Variants in TOP6BL observed in about 807,000 individuals in gnomAD.
TOP6BL encodes type 2 DNA topoisomerase 6 subunit B-like.
chr11:66,822,092 C>T, the TOP6BL span, among the ~76,000 whole-genome samples: 682 of 152,286 alleles, frequency 4.5e-3, 3 homozygotes, highest in Non-Finnish European at 8.1e-3. Context: ...GCTGCTGTTT[C>T]GCTGTGTCTT....
the TOP6BL span, chr11:66,759,056 A>T: frequency 3.2e-6 from 5 of 1,572,000 alleles, no homozygotes; most frequent in South Asian, 5.9e-5. Flanking sequence ...CTTCTGCAGG[A>T]AGCCTTTTTG....
the TOP6BL span, among the ~76,000 whole-genome samples, chr11:66,835,022 C>T: frequency 5.3e-4 from 39 of 72,918 alleles, no homozygotes; most frequent in South Asian, 0.014. Context: ...GCATTGTTTC[C>T]GGCGGGTCGG....
At chr11:66,752,192 G>C in the TOP6BL span, among the ~76,000 whole-genome samples, 4 of 149,754 alleles carry the variant, frequency 2.7e-5, no homozygotes, top group East Asian at 7.8e-4. Flanking sequence ...ATGGATCTCA[G>C]GCTCCAGTAG....
the TOP6BL span, among the ~76,000 whole-genome samples, chr11:66,766,437 C>T: frequency 6.6e-6 from 1 of 152,122 alleles, no homozygotes; most frequent in East Asian, 1.9e-4. Flanking sequence ...TCTTTTTTCC[C>T]CTTTCTTCTC....
At chr11:66,826,884 T>C in the TOP6BL span, among the ~76,000 whole-genome samples, 4 of 151,570 alleles carry the variant, frequency 2.6e-5, no homozygotes, top group African/African-American at 9.7e-5. Flanking sequence ...GGTTTCTCCA[T>C]GTTGGTCAGG....
chr11:66,763,471 C>CATT, the TOP6BL span, among the ~76,000 whole-genome samples: 119 of 151,600 alleles, frequency 7.8e-4, 3 homozygotes, highest in Admixed American at 1.9e-3. Context: ...AGATTTTAAA[C>CATT]ATTATTATTA....
At chr11:66,771,750 C>T in the TOP6BL span, 1 of 157,150 alleles carries the variant, frequency 6.4e-6, no homozygotes, top group Non-Finnish European at 1.4e-5. Context: ...AGAAGATGGT[C>T]CTGGAGGTTG....
At chr11:66,747,503 G>A in the TOP6BL span, among the ~76,000 whole-genome samples, 1 of 151,404 alleles carries the variant, frequency 6.6e-6, no homozygotes, top group Admixed American at 6.6e-5. Flanking sequence ...GAGCCACTGC[G>A]CTCAGCGTTG....
chr11:66,802,810 CTAA>C, the TOP6BL span, among the ~76,000 whole-genome samples: 1 of 152,306 alleles, frequency 6.6e-6, no homozygotes, highest in Non-Finnish European at 1.5e-5. Flanking sequence ...TAGTGATCCT[CTAA>C]TAATAAACAA....
the TOP6BL span, among the ~76,000 whole-genome samples, chr11:66,746,044 CAA>C: frequency 6.6e-6 from 1 of 152,102 alleles, no homozygotes; most frequent in Non-Finnish European, 1.5e-5. Flanking sequence ...CTTCTGACCT[CAA>C]GTGATCTGCC....
At chr11:66,798,801 G>A in the TOP6BL span, among the ~76,000 whole-genome samples, 5 of 151,758 alleles carry the variant, frequency 3.3e-5, no homozygotes, top group African/African-American at 9.7e-5. Flanking sequence ...TTGGCCGGGC[G>A]TGGTGGCTCA....
At chr11:66,766,360 T>C in the TOP6BL span, among the ~76,000 whole-genome samples, 74 of 152,354 alleles carry the variant, frequency 4.9e-4, 1 homozygote, top group African/African-American at 1.8e-3. Flanking sequence ...ATTTTATTTA[T>C]GCTGGATTAA....
the TOP6BL span, among the ~76,000 whole-genome samples, chr11:66,834,749 A>G: frequency 6.6e-6 from 1 of 152,152 alleles, no homozygotes; most frequent in South Asian, 2.1e-4. Flanking sequence ...AGGTGTGATC[A>G]TGGTGCACTA....
chr11:66,804,686 C>G, the TOP6BL span, among the ~76,000 whole-genome samples: 3 of 152,110 alleles, frequency 2.0e-5, no homozygotes, highest in Non-Finnish European at 2.9e-5. Context: ...ACCTGTAATC[C>G]CAGCACTTTG....
chr11:66,801,907 T>C, the TOP6BL span, among the ~76,000 whole-genome samples: 1 of 152,226 alleles, frequency 6.6e-6, no homozygotes, highest in East Asian at 1.9e-4. Flanking sequence ...AGAGCCCTTC[T>C]GTCTTGCCTT....
At chr11:66,766,442 C>A in the TOP6BL span, among the ~76,000 whole-genome samples, 1,650 of 152,254 alleles carry the variant, frequency 0.011, 37 homozygotes, top group African/African-American at 0.037. Flanking sequence ...TTTCCCCTTT[C>A]TTCTCTGGTC....
chr11:66,840,223 T>C, the TOP6BL span, among the ~76,000 whole-genome samples: 1 of 152,160 alleles, frequency 6.6e-6, no homozygotes, highest in Non-Finnish European at 1.5e-5. Flanking sequence ...GGTTTGTCAG[T>C]CCTTCCCCCT....
At chr11:66,774,763 G>A in the TOP6BL span, among the ~76,000 whole-genome samples, 10 of 151,554 alleles carry the variant, frequency 6.6e-5, no homozygotes, top group African/African-American at 1.7e-4. Context: ...GAGTCACCGC[G>A]CCTGACCTTG....
the TOP6BL span, among the ~76,000 whole-genome samples, chr11:66,814,987 T>C: frequency 6.6e-6 from 1 of 152,180 alleles, no homozygotes; most frequent in Admixed American, 6.5e-5. Flanking sequence ...TGAGATTGAC[T>C]GTTCTAACTA....
Sources: allele counts gnomAD v4.1 joint callset (sites outside exome capture counted in the v4.1 genomes callset), GRCh38; gene constraint gnomAD v4.1.1; transcripts MANE v1.5; gene names NCBI Gene and HGNC (gene_info 2026-07-23, HGNC 2026-07-21).